The following SLC24A4 variants were observed in gnomAD, a reference collection of about 807,000 sequenced individuals.
The protein encoded by SLC24A4 is sodium/potassium/calcium exchanger 4.
Under a neutral mutation model 79.0 loss-of-function variants are expected in SLC24A4, and 53 were observed. The observed-to-expected ratio is 0.67, with a 90% CI of 0.54 to 0.84. The LOEUF (loss-of-function observed/expected upper bound fraction) is 0.84, where lower values mean the gene tolerates loss of function less well. Ranked by LOEUF, SLC24A4 falls within the 40% of genes least tolerant of loss-of-function variation. The pLI is 0.00. For synonymous variants in SLC24A4, 323 were observed against 323.8 expected, an observed-to-expected ratio of 1.00 and a Z score of 0.03; for missense variants, 731 against 822.0, an observed-to-expected ratio of 0.89 and a Z score of 1.35.
intron 2 of SLC24A4, among the ~76,000 whole-genome samples, chr14:92,362,376 C>T (rs990450251): frequency 6.6e-6 from 1 of 152,190 alleles, no homozygotes; most frequent in Non-Finnish European, 1.5e-5. Context: ...TCTCTCACCC[C>T]GCCCTTCCCA....
chr14:92,449,065 C>G lies in SLC24A4; in HGVS notation c.738-9C>G, dbSNP rs551501781. On this transcript the variant is annotated splice_polypyrimidine_tract_variant and intron_variant, in intron 9 of 16. Coordinates refer to ENST00000532405, the MANE Select transcript of SLC24A4 (RefSeq NM_153646.4). ...ATTGCCCTGACCTCCTGCCTCCCCT[C>G]GCTTCCAGGTACAATGTGAAGATGC... is the stretch of plus-strand genomic sequence containing the variant. 1.1e-5 allele frequency: 17 copies of G among 1,613,950 alleles called. No homozygotes were observed. The East Asian group carries it at 3.6e-4, about 34-fold the overall frequency.
In SLC24A4 at chr14:92,366,622, C is replaced by T. The variant is rs1030422586; in HGVS notation, c.241+40644C>T. On this transcript the variant is annotated intron_variant, in intron 2 of 16. Coordinates refer to ENST00000532405, the MANE Select transcript of SLC24A4 (RefSeq NM_153646.4). ...AATACCCTTCGCTTTGAATATCCTC[C>T]GCTGAGGTTTGGAGCCCAGAAATAA... Among the ~76,000 whole-genome samples the T allele has an allele frequency of 3.3e-5, 5 of 152,160 alleles. No homozygotes were observed. In the South Asian group the frequency reaches 8.3e-4, roughly 25 times the overall value.
In SLC24A4 at chr14:92,493,771, G is replaced by A. The variant is rs552179985; in HGVS notation, c.*143G>A. On this transcript the variant is annotated 3_prime_UTR_variant, in exon 17 of 17. Transcript: ENST00000532405. ...ACACACTGGAAGGAAGAGCCATCGT[G>A]GTCTTTGTCTGGCCACAGGCCAGGC... 2.9e-6 allele frequency: 3 copies of A among 1,028,724 alleles called. No individual in the cohort carries two copies. The East Asian group carries it at 7.9e-5, about 27-fold the overall frequency. The allele number at this position is 1,028,724 out of a possible 1,614,324, so 63.7% of individuals were successfully genotyped here. A position where few individuals can be genotyped will look rare whatever the true frequency, so the allele number is the denominator to read the frequency against.
At position 92,497,045 on chromosome 14, in the gene SLC24A4, C is replaced by A. The variant is rs1035912292; in HGVS notation, c.*3417C>A. The A allele has an allele frequency of 2.0e-5, 3 of 152,244 alleles. No individual in the cohort carries two copies. The highest frequency in any genetic ancestry group is 7.2e-5 in the African/African-American group (3 of 41,432). 9.4% of individuals were successfully genotyped at this position (152,244 alleles called of 1,614,324 possible). A position where few individuals can be genotyped will look rare whatever the true frequency, so the allele number is the denominator to read the frequency against. ...CAAACTCCTGACCTCAGGTGATCCA[C>A]CCACCTCGGTTTCCCAAAGTGCTGG... On this transcript the variant is annotated 3_prime_UTR_variant, in exon 17 of 17. Coordinates refer to ENST00000532405, the MANE Select transcript of SLC24A4 (RefSeq NM_153646.4).
intron 2 of SLC24A4, among the ~76,000 whole-genome samples, chr14:92,362,047 G>T (rs561351877): frequency 1.3e-5 from 2 of 152,196 alleles, no homozygotes; most frequent in Non-Finnish European, 2.9e-5. Context: ...GCTGATGGTG[G>T]TCTGGAGCAC....
intron 14 of SLC24A4, among the ~76,000 whole-genome samples, chr14:92,489,176 A>T (rs10147551): frequency 1.3e-5 from 2 of 151,750 alleles, no homozygotes; most frequent in Non-Finnish European, 2.9e-5. Context: ...GGTGGGTCAT[A>T]CCTGTAATCC....
chr14:92,439,266 T>A, intron 3 of SLC24A4, 69 bp from the exon 4 acceptor site: 1 of 1,344,084 alleles, frequency 7.4e-7, no homozygotes, highest in Non-Finnish European at 1.1e-6. Context: ...TGGTTTGGGG[T>A]GTGGTGGGCC....
At chr14:92,489,752 G>GC (rs1895575678) in intron 14 of SLC24A4, among the ~76,000 whole-genome samples, 1 of 152,138 alleles carries the variant, frequency 6.6e-6, no homozygotes, top group Non-Finnish European at 1.5e-5. Flanking sequence ...TCACACAGCT[G>GC]CCGGCAGCCC....
chr14:92,330,284 G>T (rs1028774377), intron 2 of SLC24A4, among the ~76,000 whole-genome samples: 11 of 152,156 alleles, frequency 7.2e-5, no homozygotes, highest in African/African-American at 2.7e-4. Flanking sequence ...ACAAAAATTT[G>T]AATGTTAACA....
chr14:92,366,446 C>A (rs1459432548), intron 2 of SLC24A4, among the ~76,000 whole-genome samples: 4 of 152,196 alleles, frequency 2.6e-5, no homozygotes, highest in Admixed American at 6.5e-5. Flanking sequence ...GGCGGGTTTG[C>A]AGGTGGCTGA....
chr14:92,461,362 A>G (rs1007080732), intron 12 of SLC24A4, among the ~76,000 whole-genome samples: 3 of 152,206 alleles, frequency 2.0e-5, no homozygotes, highest in South Asian at 4.1e-4. Context: ...TGTAATTCTT[A>G]TATTAGTCAG....
chr14:92,356,338 GA>G (rs1474016071), intron 2 of SLC24A4, among the ~76,000 whole-genome samples: 6 of 152,166 alleles, frequency 3.9e-5, no homozygotes, highest in Admixed American at 6.5e-5. Flanking sequence ...GTCCAGCCAG[GA>G]AACATGACAT....
In SLC24A4 at chr14:92,464,887, T is replaced by G. The variant is rs7158509; in HGVS notation, c.1255+8279T>G. ...GGGCCGCCAAGAAACCTGTGCAGCT[T>G]TTAGAGCATCCTGGGGGAGGCGAAG... On this transcript the variant is annotated intron_variant, in intron 12 of 16. Transcript: ENST00000532405. Among the ~76,000 whole-genome samples the G allele has an allele frequency of 3.6e-3, 552 of 152,292 alleles. 3 individuals are homozygous for G. Among genetic ancestry groups the G allele is most frequent in the African/African-American group, 0.013 (533 of 41,556 alleles).
At position 92,359,149 on chromosome 14, in the gene SLC24A4, C is replaced by G. The variant is rs117242123; in HGVS notation, c.241+33171C>G. Reference sequence around the variant, plus strand: ...TCCTAGCCTAGCCCAGGGGGCTTGTCTGGTCTTCTCCAGCCTAGCCTAGCA... The same window carrying G: ...TCCTAGCCTAGCCCAGGGGGCTTGTGTGGTCTTCTCCAGCCTAGCCTAGCA... On this transcript the variant is annotated intron_variant, in intron 2 of 16. Coordinates refer to ENST00000532405, the MANE Select transcript of SLC24A4 (RefSeq NM_153646.4). Among the ~76,000 whole-genome samples, 3 of 152,318 alleles carry G rather than the reference C, an allele frequency of 2.0e-5. No individual in the cohort carries two copies. The East Asian group carries it at 5.8e-4, about 29-fold the overall frequency.
intron 2 of SLC24A4, among the ~76,000 whole-genome samples, chr14:92,337,262 CGAT>C (rs1236369720): frequency 1.3e-5 from 2 of 152,136 alleles, no homozygotes; most frequent in African/African-American, 4.8e-5. Context: ...TGGCAGATTG[CGAT>C]GATAAGAATG....
intron 2 of SLC24A4, among the ~76,000 whole-genome samples, chr14:92,332,305 A>G (rs1200854309): frequency 6.6e-6 from 1 of 152,138 alleles, no homozygotes; most frequent in Non-Finnish European, 1.5e-5. Context: ...ACAAAAAACC[A>G]ATATGTGTTA....
intron 2 of SLC24A4, among the ~76,000 whole-genome samples, chr14:92,371,941 C>T (rs1176471136): frequency 6.6e-6 from 1 of 150,418 alleles, no homozygotes; most frequent in African/African-American, 2.4e-5. Flanking sequence ...ATCTTCTCTC[C>T]CAATGGCCTC....
intron 2 of SLC24A4, among the ~76,000 whole-genome samples, chr14:92,415,060 A>T (rs554608359): frequency 4.7e-5 from 7 of 149,472 alleles, no homozygotes; most frequent in African/African-American, 1.5e-4. Context: ...TCATGGTTGA[A>T]AGGCGACGGT....
In SLC24A4 at chr14:92,441,838, G is replaced by A. The variant is rs1353652264; in HGVS notation, c.394-251G>A. ...CATCAGGGAGACATTATTTGGTCAC[G>A]GGCTTGGAGGACAAACAGAAAGGAG... is the stretch of plus-strand genomic sequence containing the variant. On this transcript the variant is annotated intron_variant, in intron 4 of 16. Coordinates refer to ENST00000532405, the MANE Select transcript of SLC24A4 (RefSeq NM_153646.4). This position sits in a 1 kb window ranked among gnomAD's most constrained non-coding sequence, Gnocchi z 4.6. 1.3e-5 allele frequency among the ~76,000 whole-genome samples: 2 copies of A among 152,184 alleles called. No homozygotes were observed. Among genetic ancestry groups the A allele is most frequent in the Non-Finnish European group, 2.9e-5 (2 of 68,040 alleles).
Sources: allele counts gnomAD v4.1 joint callset (sites outside exome capture counted in the v4.1 genomes callset), GRCh38; gene constraint gnomAD v4.1.1; non-coding constraint Gnocchi (gnomAD v3.1); transcripts MANE v1.5; gene names NCBI Gene and HGNC (gene_info 2026-07-23, HGNC 2026-07-21).